Variants in STK38L observed in about 807,000 individuals in gnomAD.
The protein encoded by STK38L is serine/threonine kinase 38 like, also known as serine/threonine-protein kinase 38-like.
A neutral mutation model predicts 59.7 loss-of-function variants in STK38L; 28 were observed. The ratio of observed to expected loss-of-function variants is 0.47; its 90% confidence interval spans 0.35 to 0.64. The LOEUF (loss-of-function observed/expected upper bound fraction) is 0.64. STK38L is among the 30% of genes least tolerant of loss of function. STK38L has a pLI of 0.01. For missense variants in STK38L, 314 were observed against 555.8 expected, an observed-to-expected ratio of 0.56 and a Z score of 4.37; for synonymous variants, 162 against 176.8, an observed-to-expected ratio of 0.92 and a Z score of 0.66.
At chr12:27,296,589 G>A (rs569942934) in intron 1 of STK38L, among the ~76,000 whole-genome samples, 1 of 152,366 alleles carries the variant, frequency 6.6e-6, no homozygotes, top group East Asian at 1.9e-4. Context: ...GATGGATGTT[G>A]TGGCATAGGT....
At chr12:27,320,064 C>T (rs913251469) in intron 12 of STK38L, among the ~76,000 whole-genome samples, 2 of 152,196 alleles carry the variant, frequency 1.3e-5, no homozygotes, top group South Asian at 4.1e-4. Context: ...GGAGTTGCGT[C>T]TTGGATGGCC....
At position 27,322,499 on chromosome 12, in the gene STK38L, G is replaced by C; in HGVS notation, c.*44G>C. On this transcript the variant is annotated 3_prime_UTR_variant, in exon 14 of 14. Transcript: ENST00000389032. ...CATAACCAAGAGAACTCAGGTAGCT[G>C]CATCACCAGGCTTGCTTGGCGTAGA... 1 of 1,595,006 alleles carries C rather than the reference G, an allele frequency of 6.3e-7. No homozygotes were observed. Among genetic ancestry groups the C allele is most frequent in the Non-Finnish European group, 8.5e-7 (1 of 1,173,744 alleles).
At chr12:27,250,628 A>G (rs1942951540) in intron 1 of STK38L, among the ~76,000 whole-genome samples, 1 of 152,066 alleles carries the variant, frequency 6.6e-6, no homozygotes, top group Non-Finnish European at 1.5e-5. Context: ...TCTACCTACA[A>G]ATGAGGAAAT....
chr12:27,305,824 A>G (rs1944296971), intron 3 of STK38L, among the ~76,000 whole-genome samples: 1 of 152,226 alleles, frequency 6.6e-6, no homozygotes, highest in Non-Finnish European at 1.5e-5. Context: ...AGTTCAAGCT[A>G]TAAAAGAGAG....
intron 2 of STK38L, among the ~76,000 whole-genome samples, chr12:27,300,178 A>C (rs1410418780): frequency 1.3e-5 from 2 of 152,208 alleles, no homozygotes; most frequent in African/African-American, 4.8e-5. Flanking sequence ...ACTGTATGTC[A>C]AGTCGAACAA....
At chr12:27,313,606 C>T (rs779202776) in intron 6 of STK38L, among the ~76,000 whole-genome samples, 2 of 152,006 alleles carry the variant, frequency 1.3e-5, no homozygotes, top group South Asian at 2.1e-4. Context: ...TGGTCTCAAA[C>T]TCCTGACCTC....
In STK38L at chr12:27,322,473, C is replaced by A; in HGVS notation, c.*18C>A. 6.2e-7 allele frequency: 1 copy of A among 1,606,828 alleles called. No homozygotes were observed. The highest frequency in any genetic ancestry group is 8.5e-7 in the Non-Finnish European group (1 of 1,177,946). The stretch of plus-strand genomic sequence containing the variant: ...AGTTATGAATGAAGATAACATTCAC[C>A]CATAACCAAGAGAACTCAGGTAGCT... On this transcript the variant is annotated 3_prime_UTR_variant, in exon 14 of 14. Transcript: ENST00000389032.
At chr12:27,314,688 C>A in intron 7 of STK38L, 30 bp downstream of exon 7, 1 of 1,554,810 alleles carries the variant, frequency 6.4e-7, no homozygotes, top group Non-Finnish European at 8.7e-7. Context: ...AATTACTAGG[C>A]TGTTGATTAT....
At chr12:27,315,262 AT>A (rs1565555524) in intron 8 of STK38L, 26 bp from the exon 9 acceptor site, 1 of 1,612,460 alleles carries the variant, frequency 6.2e-7, no homozygotes, top group Non-Finnish European at 8.5e-7. Flanking sequence ...TTCCCTCGTG[AT>A]TACAATTCCA....
intron 1 of STK38L, among the ~76,000 whole-genome samples, chr12:27,248,116 G>A (rs1942896272): frequency 6.6e-6 from 1 of 152,152 alleles, no homozygotes; most frequent in Admixed American, 6.5e-5. Context: ...GCCCAGCCCT[G>A]TTCTATAATT....
chr12:27,277,437 C>T (rs548898312), intron 1 of STK38L, among the ~76,000 whole-genome samples: 9 of 151,422 alleles, frequency 5.9e-5, no homozygotes, highest in Non-Finnish European at 1.0e-4. Flanking sequence ...TAGGAGGACT[C>T]GAAGGAACCT....
At chr12:27,260,296 A>G (rs1943177908) in intron 1 of STK38L, among the ~76,000 whole-genome samples, 1 of 152,210 alleles carries the variant, frequency 6.6e-6, no homozygotes, top group South Asian at 2.1e-4. Context: ...TCAATTTATA[A>G]TTTACTTCCA....
intron 10 of STK38L, 65 bp from the exon 11 acceptor site, chr12:27,317,831 T>G: frequency 6.3e-7 from 1 of 1,592,828 alleles, no homozygotes; most frequent in Non-Finnish European, 8.5e-7. Context: ...TCGCACATGT[T>G]TGGTGGGTAT....
chr12:27,310,838 G>A (rs1020410156), intron 5 of STK38L, among the ~76,000 whole-genome samples: 3 of 152,148 alleles, frequency 2.0e-5, no homozygotes, highest in Non-Finnish European at 2.9e-5. Flanking sequence ...GTAGCCTAAC[G>A]TCTAGTTGCC....
At chr12:27,322,027 T>C in intron 12 of STK38L, 116 bp from the exon 13 acceptor site, 1 of 855,224 alleles carries the variant, frequency 1.2e-6, no homozygotes, top group Admixed American at 2.9e-5. Flanking sequence ...CCACAATAAA[T>C]TTCCTTGGAT....
chr12:27,302,624 A>G (rs1012991350), intron 3 of STK38L: 10 of 153,074 alleles, frequency 6.5e-5, no homozygotes, highest in Middle Eastern at 3.4e-3. Context: ...TGCATACTGC[A>G]GCTAGAGTAA....
chr12:27,318,139 T>A, intron 11 of STK38L, 120 bp downstream of exon 11: 1 of 1,211,386 alleles, frequency 8.3e-7, no homozygotes, highest in Non-Finnish European at 1.1e-6. Flanking sequence ...GTCAAAGAGA[T>A]CAATAAAGGT....
chr12:27,269,912 A>C (rs1196983886), intron 1 of STK38L, among the ~76,000 whole-genome samples: 1 of 152,210 alleles, frequency 6.6e-6, no homozygotes, highest in East Asian at 1.9e-4. Flanking sequence ...CAAAGTGTTG[A>C]GATTACAGGC....
intron 1 of STK38L, among the ~76,000 whole-genome samples, chr12:27,269,309 GA>G (rs1943368716): frequency 1.3e-5 from 2 of 152,164 alleles, no homozygotes; most frequent in African/African-American, 4.8e-5. Flanking sequence ...AAGGTGTAAG[GA>G]AGGGATCCAG....
Sources: allele counts gnomAD v4.1 joint callset (sites outside exome capture counted in the v4.1 genomes callset), GRCh38; gene constraint gnomAD v4.1.1; transcripts MANE v1.5; gene names NCBI Gene and HGNC (gene_info 2026-07-23, HGNC 2026-07-21).